Variants in GFM2 observed in about 807,000 individuals in gnomAD.
The protein encoded by GFM2 is ribosome-releasing factor 2, mitochondrial.
A neutral mutation model predicts 95.4 loss-of-function variants in GFM2; 72 were observed. That is an observed-to-expected ratio of 0.76 (90% CI 0.62 to 0.92). The LOEUF (loss-of-function observed/expected upper bound fraction) is 0.92. Ranked by LOEUF, GFM2 falls within the 40% of genes least tolerant of loss-of-function variation. The probability of loss-of-function intolerance (pLI) is 0.00; values close to 1 mark genes in which losing one functional copy is unlikely to be tolerated. For missense variants in GFM2, 825 were observed against 924.1 expected (o/e 0.89, Z 1.39); for synonymous variants, 276 against 317.5 (o/e 0.87, Z 1.39).
intron 18 of GFM2, 90 bp downstream of exon 18, chr5:74,725,851 T>G (rs573186339): frequency 4.8e-6 from 7 of 1,460,720 alleles, no homozygotes; most frequent in Middle Eastern, 1.8e-4. Context: ...ACTAACAAAG[T>G]TAGGAAAAAG....
intron 20 of GFM2, 67 bp downstream of exon 20, chr5:74,722,312 T>C: frequency 8.3e-7 from 1 of 1,210,598 alleles, no homozygotes; most frequent in Non-Finnish European, 1.2e-6. Flanking sequence ...ACTGATTGTC[T>C]ATTCATTGGC....
At chr5:74,736,728 G>A in intron 15 of GFM2, 68 bp downstream of exon 15, 2 of 1,599,048 alleles carry the variant, frequency 1.3e-6, no homozygotes, top group South Asian at 1.1e-5. Context: ...TCTCTTGAGG[G>A]TATATTGCAA....
chr5:74,747,967 G>A (rs1476175413), intron 7 of GFM2, among the ~76,000 whole-genome samples, 187 bp from the exon 8 acceptor site: 1 of 152,194 alleles, frequency 6.6e-6, no homozygotes, highest in Non-Finnish European at 1.5e-5. Flanking sequence ...CCGGGAACGT[G>A]ATGAAGTGTG....
At chr5:74,755,125 C>T (rs778058379) in intron 5 of GFM2, among the ~76,000 whole-genome samples, 2 of 152,052 alleles carry the variant, frequency 1.3e-5, no homozygotes, top group African/African-American at 2.4e-5. Flanking sequence ...TAAACTATAT[C>T]CTAGAACAAA....
At chr5:74,733,548 G>A (rs1049530015) in intron 15 of GFM2, among the ~76,000 whole-genome samples, 2 of 152,142 alleles carry the variant, frequency 1.3e-5, no homozygotes, top group African/African-American at 4.8e-5. Context: ...ACAATCTGCT[G>A]TTGGGAAAAA....
chr5:74,739,863 A>C (rs1477947967), intron 12 of GFM2, 126 bp downstream of exon 12: 4 of 624,068 alleles, frequency 6.4e-6, no homozygotes, highest in Non-Finnish European at 1.0e-5. Context: ...ATTCCTTATT[A>C]CATCATTTGC....
intron 8 of GFM2, 149 bp downstream of exon 8, chr5:74,747,543 T>G: frequency 3.8e-6 from 2 of 525,268 alleles, no homozygotes; most frequent in African/African-American, 3.9e-5. Flanking sequence ...TTGAATTTTT[T>G]TATGGGAATA....
At chr5:74,762,189 A>C (rs1744316903) in intron 2 of GFM2, among the ~76,000 whole-genome samples, 1 of 152,200 alleles carries the variant, frequency 6.6e-6, no homozygotes, top group Non-Finnish European at 1.5e-5. Flanking sequence ...TCTTAGCAAC[A>C]ACAACAAAAA....
At chr5:74,749,724 A>G (rs1455390268) in intron 7 of GFM2, among the ~76,000 whole-genome samples, 2 of 152,184 alleles carry the variant, frequency 1.3e-5, no homozygotes, top group African/African-American at 4.8e-5. Flanking sequence ...ATGTTTATCT[A>G]ACATTACAAG....
chr5:74,761,860 C>T (rs907887421), intron 2 of GFM2, among the ~76,000 whole-genome samples: 5 of 152,128 alleles, frequency 3.3e-5, no homozygotes, highest in African/African-American at 1.2e-4. Flanking sequence ...TTAGGGCCAC[C>T]ACAATCTGCT....
At position 74,725,923 on chromosome 5, in the gene GFM2, CTCATT is replaced by C; in HGVS notation, c.1912+13_1912+17del. 2 of 1,597,940 alleles carry C rather than the reference CTCATT, an allele frequency of 1.3e-6. No individual in the cohort carries two copies. Among genetic ancestry groups the C allele is most frequent in the South Asian group, 1.1e-5 (1 of 88,786 alleles). ...GTTGAGTGGGATACTAATGCTTACTCTCATTTGAGTGTCTTACCTTGGAGACATGC... is the reference window on the plus strand; with the variant it reads ...GTTGAGTGGGATACTAATGCTTACTCTGAGTGTCTTACCTTGGAGACATGC... On this transcript the variant is annotated intron_variant, in intron 18 of 20. Coordinates refer to ENST00000296805, the MANE Select transcript of GFM2 (RefSeq NM_032380.5).
At chr5:74,740,675 C>T (rs568190530) in intron 11 of GFM2, among the ~76,000 whole-genome samples, 2 of 152,228 alleles carry the variant, frequency 1.3e-5, no homozygotes, top group South Asian at 4.1e-4. Context: ...TGTGAGCTCT[C>T]TGAAAACATA....
chr5:74,746,078 A>C (rs776369168), intron 9 of GFM2, 27 bp downstream of exon 9: 1 of 1,453,136 alleles, frequency 6.9e-7, no homozygotes, highest in Admixed American at 2.3e-5. Context: ...GAAACTGAGA[A>C]GAAGCTGATG....
chr5:74,751,134 T>C (rs1743683765), intron 6 of GFM2, among the ~76,000 whole-genome samples: 1 of 152,136 alleles, frequency 6.6e-6, no homozygotes, highest in Non-Finnish European at 1.5e-5. Flanking sequence ...CAAAAGGGAA[T>C]TGTTGTCCAA....
rs1212084235 is a variant in GFM2 at position 74,722,682 on chromosome 5, T to C, written c.2029-121A>G. On this transcript the variant is annotated intron_variant, in intron 19 of 20. Transcript: ENST00000296805. The stretch of plus-strand genomic sequence containing the variant: ...AACTCTCTCTTTAAAGATAACGTTT[T>C]ATAAGATGGCAACAACTATAATATT... 4.3e-6 allele frequency: 3 copies of C among 701,062 alleles called. No individual in the cohort carries two copies. In the African/African-American group the frequency reaches 5.4e-5, roughly 13 times the overall value. 43.4% of individuals were successfully genotyped at this position (701,062 alleles called of 1,614,324 possible). A position where few individuals can be genotyped will look rare whatever the true frequency, so the allele number is the denominator to read the frequency against.
intron 5 of GFM2, among the ~76,000 whole-genome samples, chr5:74,755,625 A>G (rs1276714790): frequency 6.6e-6 from 1 of 152,206 alleles, no homozygotes; most frequent in South Asian, 2.1e-4. Context: ...GAAAACCTAG[A>G]GGAGATGGAT....
chr5:74,739,412 GA>G (rs1743001115), intron 12 of GFM2, among the ~76,000 whole-genome samples: 1 of 152,172 alleles, frequency 6.6e-6, no homozygotes, highest in Non-Finnish European at 1.5e-5. Flanking sequence ...AAGGAACTTG[GA>G]AAAGCTAGGA....
At position 74,767,061 on chromosome 5, in the gene GFM2, T is replaced by A; in HGVS notation, c.-148A>T. 2.6e-6 allele frequency: 1 copy of A among 391,968 alleles called. No individual in the cohort carries two copies. The highest frequency in any genetic ancestry group is 4.3e-5 in the East Asian group (1 of 23,102). The allele number at this position is 391,968 out of a possible 1,614,324, so 24.3% of individuals were successfully genotyped here. A position where few individuals can be genotyped will look rare whatever the true frequency, so the allele number is the denominator to read the frequency against. On this transcript the variant is annotated 5_prime_UTR_variant, in exon 1 of 21. Coordinates refer to ENST00000296805, the MANE Select transcript of GFM2 (RefSeq NM_032380.5). ...ACGCCAGCCTAGGCAAAAGGCAATGTATCTAAACGAAAAGAAAATAGGCTT... is the reference window on the plus strand; with the variant it reads ...ACGCCAGCCTAGGCAAAAGGCAATGAATCTAAACGAAAAGAAAATAGGCTT...
intron 16 of GFM2, among the ~76,000 whole-genome samples, chr5:74,732,423 C>A (rs1742620722): frequency 1.3e-5 from 2 of 152,032 alleles, no homozygotes; most frequent in African/African-American, 2.4e-5. Flanking sequence ...AAATTTATAA[C>A]CTTTTTAAGA....
Sources: allele counts gnomAD v4.1 joint callset (sites outside exome capture counted in the v4.1 genomes callset), GRCh38; gene constraint gnomAD v4.1.1; transcripts MANE v1.5; gene names NCBI Gene and HGNC (gene_info 2026-07-23, HGNC 2026-07-21).